DLGAP2: variants seen among roughly 807,000 people sequenced by gnomAD.
DLGAP2 encodes the protein disks large-associated protein 2.
Under a neutral mutation model 100.3 loss-of-function variants are expected in DLGAP2, and 26 were observed. That is an observed-to-expected ratio of 0.26 (90% CI 0.19 to 0.36). The LOEUF (loss-of-function observed/expected upper bound fraction) is 0.36, where lower values mean the gene tolerates loss of function less well. DLGAP2 is among the 10% of genes least tolerant of loss of function. The pLI, the probability that DLGAP2 is intolerant of heterozygous loss-of-function variation, is 1.00. For synonymous variants in DLGAP2, 886 were observed against 630.1 expected (o/e 1.41, Z -6.08); for missense variants, 1,858 against 1,453.2 (o/e 1.28, Z -4.53).
intron 2 of DLGAP2, among the ~76,000 whole-genome samples, chr8:1,055,064 A>T (rs568425336): frequency 6.6e-6 from 1 of 152,334 alleles, no homozygotes; most frequent in African/African-American, 2.4e-5. Context: ...ACGCACATTT[A>T]AGATGTTTAT....
intron 3 of DLGAP2, among the ~76,000 whole-genome samples, chr8:1,479,543 C>T (rs959751260): frequency 2.6e-5 from 4 of 152,112 alleles, no homozygotes; most frequent in African/African-American, 9.7e-5. Flanking sequence ...GATGGAGGAC[C>T]TAATTCATAA....
chr8:1,541,889 C>A (rs2019513), intron 4 of DLGAP2, among the ~76,000 whole-genome samples: 145,663 of 152,204 alleles, frequency 0.96, 69,756 homozygotes, highest in East Asian at 1. Context: ...TGTCTACTGA[C>A]TCCACAATCA....
chr8:1,493,386 C>G (rs1004916975), intron 3 of DLGAP2, among the ~76,000 whole-genome samples: 1 of 152,176 alleles, frequency 6.6e-6, no homozygotes, highest in Admixed American at 6.5e-5. Context: ...AGCTCTGAGA[C>G]GTGCCTCTGT....
chr8:1,318,833 C>G (rs1288182614), intron 3 of DLGAP2, among the ~76,000 whole-genome samples: 1 of 142,972 alleles, frequency 7.0e-6, no homozygotes, highest in East Asian at 2.2e-4. Context: ...TCCCCAACAG[C>G]TGCCGGAATG....
intron 2 of DLGAP2, among the ~76,000 whole-genome samples, chr8:1,032,107 C>T (rs1237948620): frequency 6.6e-6 from 1 of 152,208 alleles, no homozygotes; most frequent in Non-Finnish European, 1.5e-5. Flanking sequence ...CACATCTGCC[C>T]CTGGGTCTGC....
intron 4 of DLGAP2, among the ~76,000 whole-genome samples, chr8:1,541,818 C>G (rs1339602743): frequency 6.6e-6 from 1 of 152,216 alleles, no homozygotes; most frequent in Non-Finnish European, 1.5e-5. Context: ...TAATTTATAC[C>G]TTGCTTCTTT....
At chr8:1,116,038 G>A (rs972275262) in intron 2 of DLGAP2, among the ~76,000 whole-genome samples, 1 of 152,218 alleles carries the variant, frequency 6.6e-6, no homozygotes, top group Non-Finnish European at 1.5e-5. Flanking sequence ...GACGTGGCCA[G>A]TGACAGTCAC....
intron 2 of DLGAP2, among the ~76,000 whole-genome samples, chr8:926,416 C>T (rs978228633): frequency 1.3e-5 from 2 of 152,200 alleles, no homozygotes; most frequent in Non-Finnish European, 2.9e-5. Context: ...GGCCCTGCCT[C>T]CAGGTCGGGG....
chr8:1,124,056 C>G (rs561018453), intron 2 of DLGAP2, among the ~76,000 whole-genome samples: 31 of 152,248 alleles, frequency 2.0e-4, no homozygotes, highest in African/African-American at 6.7e-4. Flanking sequence ...TGTATGCAGA[C>G]CAAACAGCAC....
intron 4 of DLGAP2, among the ~76,000 whole-genome samples, chr8:1,527,899 C>T (rs962499356): frequency 1.3e-5 from 2 of 151,386 alleles, no homozygotes; most frequent in Non-Finnish European, 2.9e-5. Context: ...TCTTTATGTT[C>T]AACTATGCTT....
intron 3 of DLGAP2, among the ~76,000 whole-genome samples, chr8:1,458,313 A>G (rs1798378735): frequency 6.6e-6 from 1 of 152,032 alleles, no homozygotes; most frequent in Non-Finnish European, 1.5e-5. Context: ...TTAGTTTAGT[A>G]TTCTGAATAA....
chr8:1,182,320 G>C (rs1400476092), intron 2 of DLGAP2, among the ~76,000 whole-genome samples: 2 of 152,260 alleles, frequency 1.3e-5, no homozygotes, highest in Non-Finnish European at 2.9e-5. Flanking sequence ...GACTGTGGCA[G>C]TGCTCACACA....
chr8:1,520,444 A>C (rs1347530795), intron 4 of DLGAP2, among the ~76,000 whole-genome samples: 1 of 152,200 alleles, frequency 6.6e-6, no homozygotes, highest in Non-Finnish European at 1.5e-5. Context: ...GACTAAAGCC[A>C]TCCTTCATCC....
intron 3 of DLGAP2, among the ~76,000 whole-genome samples, chr8:1,303,916 C>G (rs562945105): frequency 2.0e-5 from 3 of 152,170 alleles, no homozygotes; most frequent in African/African-American, 7.2e-5. Context: ...TGAGGCCATT[C>G]ACCTCCCTCG....
At chr8:1,696,614 T>C (rs1799403833) in intron 13 of DLGAP2, among the ~76,000 whole-genome samples, 2 of 152,228 alleles carry the variant, frequency 1.3e-5, no homozygotes, top group South Asian at 4.1e-4. Context: ...CCCAGCAGCG[T>C]CACCTGTGCC....
chr8:1,200,473 C>G (rs547588168), intron 2 of DLGAP2, among the ~76,000 whole-genome samples: 1 of 152,184 alleles, frequency 6.6e-6, no homozygotes, highest in African/African-American at 2.4e-5. Context: ...TCCTCATAAA[C>G]CATCCATCTG....
intron 6 of DLGAP2, among the ~76,000 whole-genome samples, chr8:1,595,293 A>T (rs7012088): frequency 6.6e-6 from 1 of 151,696 alleles, no homozygotes; most frequent in East Asian, 1.9e-4. Context: ...CTTTTTATTG[A>T]CAAATAACAT....
chr8:741,935 G>A (rs576602034), intron 1 of DLGAP2, among the ~76,000 whole-genome samples: 1 of 152,352 alleles, frequency 6.6e-6, no homozygotes, highest in South Asian at 2.1e-4. Context: ...GGGATGGCCT[G>A]TCTGGAAATG....
At position 1,702,515 on chromosome 8, in the gene DLGAP2, C is replaced by G. The variant is rs137972323; in HGVS notation, c.*1109C>G. On this transcript the variant is annotated 3_prime_UTR_variant, in exon 15 of 15. Coordinates refer to ENST00000637795, the MANE Select transcript of DLGAP2 (RefSeq NM_001346810.2). ...TTTACATTTGTATTTTTCCAGAATTCTTTTGTCCTATGCAGTATTGCTAAA... is the reference window on the plus strand; with the variant it reads ...TTTACATTTGTATTTTTCCAGAATTGTTTTGTCCTATGCAGTATTGCTAAA... 6.6e-6 allele frequency: 1 copy of G among 152,490 alleles called. No individual in the cohort carries two copies. The highest frequency in any genetic ancestry group is 2.4e-5 in the African/African-American group (1 of 41,418). The allele number at this position is 152,490 out of a possible 1,614,324, so 9.4% of individuals were successfully genotyped here.
Sources: gnomAD v4.1 joint callset for allele counts (sites outside exome capture counted in the v4.1 genomes callset) on GRCh38, gnomAD v4.1.1 for gene constraint, MANE v1.5 for transcripts, NCBI Gene and HGNC (gene_info 2026-07-23, HGNC 2026-07-21) for gene names.